FRMD4B: variants seen among roughly 807,000 people sequenced by gnomAD.
The protein encoded by FRMD4B is FERM domain-containing protein 4B.
Under a neutral mutation model 141.5 loss-of-function variants are expected in FRMD4B, and 74 were observed. The ratio of observed to expected loss-of-function variants is 0.52; its 90% CI spans 0.43 to 0.63. The LOEUF (loss-of-function observed/expected upper bound fraction) is 0.63, where lower values mean the gene tolerates loss of function less well. Ranked by LOEUF, FRMD4B falls within the 30% of genes least tolerant of loss-of-function variation. FRMD4B has a pLI of 0.00. For synonymous variants in FRMD4B, 506 were observed against 467.9 expected (o/e 1.08, Z -1.05); for missense variants, 1,366 against 1,253.4 (o/e 1.09, Z -1.36).
intron 1 of FRMD4B, among the ~76,000 whole-genome samples, chr3:69,454,143 G>A (rs553967221): frequency 6.6e-6 from 1 of 152,232 alleles, no homozygotes; most frequent in Non-Finnish European, 1.5e-5. Context: ...AATGAAGAAG[G>A]AGGAATTTCT....
intron 20 of FRMD4B, 70 bp downstream of exon 20, chr3:69,182,528 C>T: frequency 6.9e-7 from 1 of 1,449,578 alleles, no homozygotes; most frequent in South Asian, 1.4e-5. Flanking sequence ...TTAAAAAACA[C>T]AATAAAGCAA....
chr3:69,288,589 ACT>A (rs1700773786), intron 4 of FRMD4B, among the ~76,000 whole-genome samples: 1 of 151,934 alleles, frequency 6.6e-6, no homozygotes, highest in African/African-American at 2.4e-5. Context: ...GTCTTTAACA[ACT>A]CTGTTTTCAT....
rs140814819 is a variant in FRMD4B, at chr3:69,476,635, C to T, written c.-128-43874G>A. 3.5e-3 allele frequency among the ~76,000 whole-genome samples: 532 copies of T among 152,210 alleles called. 1 individual carries two copies. The highest frequency in any genetic ancestry group is 5.5e-3 in the Non-Finnish European group (371 of 68,014). ...TGTAGTATAGTTTGAAGTCAGGTAG[C>T]GTGATGCCTCCAGCTGTGTTCTTTT... is the stretch of plus-strand genomic sequence containing the variant. On this transcript the variant is annotated intron_variant, in intron 1 of 5. Coordinates refer to the FRMD4B transcript ENST00000459638.
chr3:69,204,501 T>C (rs1388723305), intron 11 of FRMD4B, among the ~76,000 whole-genome samples: 2 of 152,174 alleles, frequency 1.3e-5, no homozygotes, highest in Non-Finnish European at 2.9e-5. Context: ...CGGTGGGGGA[T>C]CCCTCTGCTA....
At chr3:69,508,856 G>A (rs1022567869) in intron 1 of FRMD4B, among the ~76,000 whole-genome samples, 3 of 152,180 alleles carry the variant, frequency 2.0e-5, no homozygotes, top group African/African-American at 7.2e-5. Context: ...CCTACAAGGT[G>A]GGTACTGCTG....
chr3:69,239,154 C>T (rs2093364896), intron 7 of FRMD4B, among the ~76,000 whole-genome samples: 1 of 152,172 alleles, frequency 6.6e-6, no homozygotes, highest in Admixed American at 6.5e-5. Context: ...CTATTGGCAA[C>T]CAGTGGAAGC....
intron 5 of FRMD4B, among the ~76,000 whole-genome samples, chr3:69,270,037 G>C (rs2093587172): frequency 6.6e-6 from 1 of 150,502 alleles, no homozygotes; most frequent in African/African-American, 2.4e-5. Flanking sequence ...TTTTTTTAGA[G>C]ACGGGTTCTT....
intron 1 of FRMD4B, among the ~76,000 whole-genome samples, chr3:69,500,153 G>A (rs1173382089): frequency 6.6e-6 from 1 of 152,204 alleles, no homozygotes; most frequent in South Asian, 2.1e-4. Flanking sequence ...GGTCACCACT[G>A]TGGTTTGGAC....
intron 3 of FRMD4B, among the ~76,000 whole-genome samples, chr3:69,303,614 C>A (rs1388185071): frequency 1.3e-5 from 2 of 152,032 alleles, no homozygotes; most frequent in Non-Finnish European, 2.9e-5. Context: ...AAGGAGAAAA[C>A]TTCTGGTTCA....
chr3:69,215,284 CTTTTTTTTTTT>C lies in FRMD4B; in HGVS notation c.876+968_876+978del, dbSNP rs577275162. 2.4e-3 allele frequency among the ~76,000 whole-genome samples: 108 copies of C among 45,226 alleles called. 8 individuals carry two copies. In the East Asian group the frequency reaches 0.03, roughly 12 times the overall value. The allele number at this position is 45,226 out of a possible 152,430, so 29.7% of individuals were successfully genotyped here. A position where few individuals can be genotyped will look rare whatever the true frequency, so the allele number is the denominator to read the frequency against. ...TCCAAATCTGATAGATTGTGACCCT[CTTTTTTTTTTT>C]TTTTTTTTTTTTTTTGAGATGGAGT... On this transcript the variant is annotated intron_variant, in intron 11 of 22. Coordinates refer to ENST00000398540, the MANE Select transcript of FRMD4B (RefSeq NM_015123.3).
At chr3:69,387,842 T>G (rs1185686377), upstream of FRMD4B, among the ~76,000 whole-genome samples, 2 of 152,324 alleles carry the variant, frequency 1.3e-5, no homozygotes, top group East Asian at 3.9e-4. Flanking sequence ...AATTAGTTAA[T>G]AGGACACAAG....
chr3:69,343,621 C>A (rs1284211526), intron 1 of FRMD4B, among the ~76,000 whole-genome samples: 1 of 138,632 alleles, frequency 7.2e-6, no homozygotes, highest in Non-Finnish European at 1.5e-5. Context: ...GCTCTGTCAC[C>A]CAGGCTGAAG....
At chr3:69,506,159 T>C (rs573141759) in intron 1 of FRMD4B, among the ~76,000 whole-genome samples, 1 of 152,286 alleles carries the variant, frequency 6.6e-6, no homozygotes, top group African/African-American at 2.4e-5. Context: ...GACCATCCAC[T>C]GCAACCCCAA....
At chr3:69,198,531 C>T (rs2092931575) in intron 12 of FRMD4B, 167 bp downstream of exon 12, 3 of 594,606 alleles carry the variant, frequency 5.0e-6, no homozygotes, top group Non-Finnish European at 9.1e-6. Context: ...CTTGCCATTC[C>T]TCAGAGGGTT....
chr3:69,526,883 C>T (rs1326767056), intron 1 of FRMD4B, among the ~76,000 whole-genome samples: 1 of 152,162 alleles, frequency 6.6e-6, no homozygotes, highest in African/African-American at 2.4e-5. Flanking sequence ...CTTCCTGGTT[C>T]CAAATCTACT....
intron 3 of FRMD4B, among the ~76,000 whole-genome samples, chr3:69,310,810 G>A (rs1349087356): frequency 6.6e-6 from 1 of 151,966 alleles, no homozygotes; most frequent in African/African-American, 2.4e-5. Context: ...GACCTAAGTG[G>A]TAGTTTAAAA....
intron 1 of FRMD4B, among the ~76,000 whole-genome samples, chr3:69,383,472 G>C (rs1189755013): frequency 6.6e-6 from 1 of 152,162 alleles, no homozygotes; most frequent in East Asian, 1.9e-4. Flanking sequence ...ATACATATTA[G>C]ATGTACATAG....
chr3:69,437,605 T>C (rs1478804457), intron 1 of FRMD4B, among the ~76,000 whole-genome samples: 1 of 138,568 alleles, frequency 7.2e-6, no homozygotes, highest in Non-Finnish European at 1.5e-5. Context: ...TATTTAATAG[T>C]ATATTATATA....
chr3:69,430,934 G>C (rs1705168641), intron 2 of FRMD4B, among the ~76,000 whole-genome samples: 1 of 152,190 alleles, frequency 6.6e-6, no homozygotes, highest in Admixed American at 6.5e-5. Context: ...ATTTTTGGAA[G>C]CTCACTTCTC....
Sources: allele counts gnomAD v4.1 joint callset (sites outside exome capture counted in the v4.1 genomes callset), GRCh38; gene constraint gnomAD v4.1.1; transcripts MANE v1.5; gene names NCBI Gene and HGNC (gene_info 2026-07-23, HGNC 2026-07-21).